STK33: variants seen among roughly 807,000 people sequenced by gnomAD.
STK33 encodes the protein serine/threonine-protein kinase 33.
STK33 carries 52 observed loss-of-function variants against 58.0 expected under a neutral mutation model. That is an observed-to-expected ratio of 0.90 (90% CI 0.72 to 1.13). STK33 has a LOEUF of 1.13. Ranked by LOEUF, STK33 falls within the 50% of genes most tolerant of loss-of-function variation. The pLI is 0.00. For synonymous variants in STK33, 215 were observed against 200.1 expected (o/e 1.07, Z -0.63); for missense variants, 630 against 604.2 (o/e 1.04, Z -0.45).
chr11:8,465,743 ACTCTCTCT>A (rs906763686), intron 6 of STK33: 1 of 151,310 alleles, frequency 6.6e-6, no homozygotes, highest in African/African-American at 2.4e-5. Flanking sequence ...TCAAAATGCC[ACTCTCTCT>A]CTCTCTGTAT....
At chr11:8,583,002 T>C (rs1452548638) in intron 1 of STK33, among the ~76,000 whole-genome samples, 1 of 152,224 alleles carries the variant, frequency 6.6e-6, no homozygotes, top group African/African-American at 2.4e-5. Context: ...AGTTTTCCAA[T>C]GACTGGGAAC....
At chr11:8,406,676 T>C (rs1939274223) in intron 15 of STK33, among the ~76,000 whole-genome samples, 1 of 152,182 alleles carries the variant, frequency 6.6e-6, no homozygotes, top group Admixed American at 6.5e-5. Context: ...TGCGAATATA[T>C]AACAATACAA....
intron 1 of STK33, among the ~76,000 whole-genome samples, chr11:8,592,511 G>A (rs1487965240): frequency 6.6e-6 from 1 of 152,126 alleles, no homozygotes; most frequent in Non-Finnish European, 1.5e-5. Flanking sequence ...ATGTAAATTG[G>A]CATAATCTTT....
At position 8,474,917 on chromosome 11, in the gene STK33, T is replaced by C. The variant is rs934003628; in HGVS notation, c.-12A>G. On this transcript the variant is annotated 5_prime_UTR_variant, in exon 5 of 16. Coordinates refer to ENST00000687296, the MANE Select transcript of STK33 (RefSeq NM_001352389.2). ...CCACTATCAGCCATTTGTTTAACTC[T>C]GCAACAAAAGCAACTTTAAAAATGT... 4 of 1,555,808 alleles carry C rather than the reference T, an allele frequency of 2.6e-6. No individual in the cohort carries two copies. The South Asian group carries it at 3.7e-5, about 14-fold the overall frequency.
In STK33 at chr11:8,457,387, C is replaced by A. The variant is rs766616199; in HGVS notation, c.651G>T (p.Trp217Cys). 12 of 1,606,010 alleles carry A rather than the reference C, an allele frequency of 7.5e-6. No homozygotes were observed. The highest frequency in any genetic ancestry group is 5.1e-6 in the Non-Finnish European group (6 of 1,174,412). The change falls in exon 9 of 16, where the codon TGG becomes TGT. Residue 217 changes from tryptophan to cysteine, a missense_variant. Transcript: ENST00000687296. ...TAGCTGATGCGAGACTTTGAATGAT[C>A]CACCTTGTCTCATTCTCTGAGAAAT... The part of the protein sequence containing the change: ...KGHFSENETR[W>C]IIQSLASAIA...
At chr11:8,430,937 G>C (rs923631120) in intron 14 of STK33, among the ~76,000 whole-genome samples, 2 of 150,080 alleles carry the variant, frequency 1.3e-5, no homozygotes, top group African/African-American at 2.5e-5. Context: ...TGCGATCTTG[G>C]CTCACTGCAA....
intron 8 of STK33, 85 bp downstream of exon 8, chr11:8,461,720 C>A (rs952522084): frequency 3.7e-6 from 4 of 1,081,102 alleles, no homozygotes; most frequent in Non-Finnish European, 5.2e-6. Flanking sequence ...AGCAACTGTG[C>A]CCCAAAGGGA....
At chr11:8,590,057 G>A (rs1405852422) in intron 1 of STK33, among the ~76,000 whole-genome samples, 5 of 152,106 alleles carry the variant, frequency 3.3e-5, no homozygotes, top group Non-Finnish European at 2.9e-5. Context: ...TTTGGTAAAT[G>A]GTAAATGGAT....
chr11:8,447,208 C>T (rs1945601365), intron 11 of STK33, among the ~76,000 whole-genome samples: 1 of 152,138 alleles, frequency 6.6e-6, no homozygotes, highest in African/African-American at 2.4e-5. Flanking sequence ...ACCAGAGGTA[C>T]AAGGAGGAGC....
At chr11:8,425,122 T>G (rs1410882636) in intron 14 of STK33, among the ~76,000 whole-genome samples, 25 of 151,176 alleles carry the variant, frequency 1.7e-4, no homozygotes, top group African/African-American at 3.4e-4. Context: ...GTTTTAGGTC[T>G]AACATTTAAG....
the STK33 span, among the ~76,000 whole-genome samples, chr11:8,344,481 C>A: frequency 2.6e-5 from 4 of 152,204 alleles, no homozygotes; most frequent in Non-Finnish European, 5.9e-5. Flanking sequence ...TTCATCCTTA[C>A]AATTGTATGA....
intron 14 of STK33, among the ~76,000 whole-genome samples, chr11:8,420,841 A>T (rs538902394): frequency 6.6e-6 from 1 of 152,064 alleles, no homozygotes; most frequent in Non-Finnish European, 1.5e-5. Flanking sequence ...TACAAAAATA[A>T]TTTTTTTAAT....
chr11:8,561,467 T>C (rs1005814008), intron 1 of STK33, among the ~76,000 whole-genome samples: 1 of 152,176 alleles, frequency 6.6e-6, no homozygotes, highest in Non-Finnish European at 1.5e-5. Flanking sequence ...TTCTTTTTTT[T>C]AATCTTGAAG....
chr11:8,452,856 C>T lies in STK33; in HGVS notation c.837G>A (p.Met279Ile), dbSNP rs1280760420. The change falls in exon 11 of 16, where the codon ATG becomes ATA. Residue 279 changes from methionine (M) to isoleucine (I), a missense_variant. Transcript: ENST00000687296. ...TAGGAGTCCCACATGTGGCCTGCAGCATGGCTTCACTCCTACTTTGCTTCT... is the reference window on the plus strand; with the variant it reads ...TAGGAGTCCCACATGTGGCCTGCAGTATGGCTTCACTCCTACTTTGCTTCT... ...AVKKQSRSEAMLQATCGTPIY... is the reference protein window; with the variant it reads ...AVKKQSRSEAILQATCGTPIY... 1 of 1,614,152 alleles carries T rather than the reference C, an allele frequency of 6.2e-7. No homozygotes were observed.
At chr11:8,475,900 G>A (rs981614067) in intron 4 of STK33, 6 of 152,024 alleles carry the variant, frequency 3.9e-5, no homozygotes, top group Non-Finnish European at 7.4e-5. Flanking sequence ...ATAAACCTGG[G>A]GATATATGCA....
At chr11:8,482,632 T>C (rs1163488412) in intron 1 of STK33, among the ~76,000 whole-genome samples, 3 of 152,092 alleles carry the variant, frequency 2.0e-5, no homozygotes, top group Non-Finnish European at 4.4e-5. Context: ...GATACCAGGG[T>C]TTGAATTCTA....
chr11:8,587,184 C>G (rs1187886128), intron 1 of STK33, among the ~76,000 whole-genome samples: 7 of 152,096 alleles, frequency 4.6e-5, no homozygotes, highest in Non-Finnish European at 1.5e-5. Flanking sequence ...ATGAAGCTCC[C>G]TTCAAACTCT....
chr11:8,355,213 A>G, the STK33 span, among the ~76,000 whole-genome samples: 2 of 152,298 alleles, frequency 1.3e-5, no homozygotes, highest in East Asian at 3.9e-4. Context: ...GCCAGGGAGA[A>G]GATTCCCAAA....
At chr11:8,401,601 A>G (rs1015136624) in intron 15 of STK33, among the ~76,000 whole-genome samples, 6 of 152,242 alleles carry the variant, frequency 3.9e-5, no homozygotes, top group African/African-American at 1.4e-4. Context: ...AATGGCAACA[A>G]AAGTCAAAAT....
Sources: gnomAD v4.1 joint callset for allele counts (sites outside exome capture counted in the v4.1 genomes callset) on GRCh38, gnomAD v4.1.1 for gene constraint, MANE v1.5 for transcripts, NCBI Gene and HGNC (gene_info 2026-07-23, HGNC 2026-07-21) for gene names.